MAPKAP1: variants seen among roughly 807,000 people sequenced by gnomAD.
The protein encoded by MAPKAP1 is target of rapamycin complex 2 subunit MAPKAP1.
In MAPKAP1, 20 loss-of-function variants were observed where a neutral mutation model predicts 65.7. The observed-to-expected ratio is 0.30, with a 90% CI of 0.21 to 0.44. The LOEUF (loss-of-function observed/expected upper bound fraction) is 0.44, where lower values mean the gene tolerates loss of function less well. Among genes scored for constraint, MAPKAP1 ranks in the 20% least tolerant of loss-of-function variants. The probability of loss-of-function intolerance (pLI) is 1.00; values close to 1 mark genes in which losing one functional copy is unlikely to be tolerated. For missense variants in MAPKAP1, 423 were observed against 648.0 expected (o/e 0.65, Z 3.77); for synonymous variants, 222 against 244.3 (o/e 0.91, Z 0.85).
At chr9:125,637,053 G>A (rs1487293298) in intron 4 of MAPKAP1, among the ~76,000 whole-genome samples, 1 of 152,160 alleles carries the variant, frequency 6.6e-6, no homozygotes, top group African/African-American at 2.4e-5. Flanking sequence ...TGGATCACTT[G>A]AGGCCAGAAG....
chr9:125,620,822 A>C (rs182655090), intron 4 of MAPKAP1, among the ~76,000 whole-genome samples: 16 of 152,322 alleles, frequency 1.1e-4, no homozygotes, highest in African/African-American at 3.6e-4. Flanking sequence ...TCATATGGAC[A>C]CTAGAAGATA....
chr9:125,529,515 AG>A (rs1166948342), intron 7 of MAPKAP1, among the ~76,000 whole-genome samples: 2 of 146,116 alleles, frequency 1.4e-5, no homozygotes, highest in Admixed American at 6.9e-5. Context: ...AAAAAAAAAA[AG>A]AAAAGAAAAA....
At chr9:125,703,282 A>G (rs1379814760) in intron 1 of MAPKAP1, among the ~76,000 whole-genome samples, 2 of 152,194 alleles carry the variant, frequency 1.3e-5, no homozygotes, top group African/African-American at 4.8e-5. Flanking sequence ...TAATAATTTA[A>G]TGAAGATTTG....
intron 4 of MAPKAP1, among the ~76,000 whole-genome samples, chr9:125,633,133 C>A (rs1234041757): frequency 6.6e-6 from 1 of 152,206 alleles, no homozygotes; most frequent in Non-Finnish European, 1.5e-5. Context: ...AAAGAGAAGT[C>A]TATGAAGTGT....
intron 4 of MAPKAP1, among the ~76,000 whole-genome samples, chr9:125,612,036 C>T (rs1481289724): frequency 2.0e-5 from 3 of 152,102 alleles, no homozygotes. Context: ...TAACCCTAAT[C>T]CAAAAATCCA....
chr9:125,545,398 C>T (rs1164737330), intron 6 of MAPKAP1, among the ~76,000 whole-genome samples: 1 of 152,160 alleles, frequency 6.6e-6, no homozygotes, highest in African/African-American at 2.4e-5. Flanking sequence ...TTCAGATTTG[C>T]CTTCCCTTGC....
At chr9:125,452,748 C>T (rs1052815677) in intron 10 of MAPKAP1, among the ~76,000 whole-genome samples, 3 of 151,800 alleles carry the variant, frequency 2.0e-5, no homozygotes, top group Admixed American at 6.6e-5. Context: ...AAAAACTAGC[C>T]GGGTGTGGTG....
At chr9:125,536,475 A>AT (rs1014247824) in intron 7 of MAPKAP1, among the ~76,000 whole-genome samples, 55 of 152,298 alleles carry the variant, frequency 3.6e-4, no homozygotes, top group African/African-American at 1.3e-3. Flanking sequence ...TTCATCCCCT[A>AT]TGCATGAGTG....
intron 10 of MAPKAP1, among the ~76,000 whole-genome samples, chr9:125,458,217 CTTTT>C (rs35230535): frequency 3.0e-5 from 4 of 133,758 alleles, no homozygotes; most frequent in Non-Finnish European, 4.9e-5. Flanking sequence ...CATATGGAGT[CTTTT>C]TTTTTTTTTT....
chr9:125,547,089 T>C (rs1236346464), intron 6 of MAPKAP1, among the ~76,000 whole-genome samples: 1 of 152,090 alleles, frequency 6.6e-6, no homozygotes. Flanking sequence ...CACTGAACGA[T>C]GTATGGGCAT....
intron 1 of MAPKAP1, among the ~76,000 whole-genome samples, chr9:125,677,556 C>T (rs554975511): frequency 3.3e-5 from 5 of 151,934 alleles, no homozygotes; most frequent in Non-Finnish European, 4.4e-5. Context: ...AGTAGGGGGG[C>T]GTGGTGGTGC....
At chr9:125,456,064 T>C (rs556359416) in intron 10 of MAPKAP1, among the ~76,000 whole-genome samples, 1 of 152,256 alleles carries the variant, frequency 6.6e-6, no homozygotes, top group East Asian at 1.9e-4. Context: ...TTTAGAGGCA[T>C]CATTCCATTG....
At chr9:125,591,700 G>C (rs890235457) in intron 4 of MAPKAP1, among the ~76,000 whole-genome samples, 1 of 152,046 alleles carries the variant, frequency 6.6e-6, no homozygotes, top group African/African-American at 2.4e-5. Flanking sequence ...AGCTCAAGGT[G>C]GTGGCAGTTA....
chr9:125,511,455 C>T (rs573677575), intron 7 of MAPKAP1, among the ~76,000 whole-genome samples: 1 of 152,306 alleles, frequency 6.6e-6, no homozygotes, highest in Admixed American at 6.5e-5. Context: ...ATACCTAGGA[C>T]TGCCCAGGCC....
chr9:125,686,693 A>C (rs1359669344), intron 1 of MAPKAP1, among the ~76,000 whole-genome samples: 1 of 152,258 alleles, frequency 6.6e-6, no homozygotes. Context: ...CCATAATTCA[A>C]ACTCAGAGGT....
At chr9:125,594,495 T>G (rs981117162) in intron 4 of MAPKAP1, among the ~76,000 whole-genome samples, 14 of 152,340 alleles carry the variant, frequency 9.2e-5, no homozygotes, top group African/African-American at 3.4e-4. Context: ...ATTTACTCAC[T>G]TGGAAAGCAA....
intron 1 of MAPKAP1, among the ~76,000 whole-genome samples, chr9:125,675,671 T>C (rs904844717): frequency 2.0e-5 from 3 of 152,190 alleles, no homozygotes; most frequent in Admixed American, 6.5e-5. Context: ...CTTAAAGACT[T>C]AGACTATAAG....
At chr9:125,647,801 T>C (rs1456831201) in intron 4 of MAPKAP1, among the ~76,000 whole-genome samples, 1 of 152,210 alleles carries the variant, frequency 6.6e-6, no homozygotes, top group Non-Finnish European at 1.5e-5. Context: ...TAGTAAATGA[T>C]GTATTCGATG....
intron 3 of MAPKAP1, 115 bp from the exon 4 acceptor site, chr9:125,657,914 G>T: frequency 2.0e-6 from 2 of 981,966 alleles, no homozygotes; most frequent in Non-Finnish European, 3.1e-6. Flanking sequence ...GACATGTTCA[G>T]GTCGGATACA....
Sources: gnomAD v4.1 joint callset for allele counts (sites outside exome capture counted in the v4.1 genomes callset) on GRCh38, gnomAD v4.1.1 for gene constraint, MANE v1.5 for transcripts, NCBI Gene and HGNC (gene_info 2026-07-23, HGNC 2026-07-21) for gene names.